NCOA1: variants seen among roughly 807,000 people sequenced by gnomAD.
NCOA1 encodes the protein Hin-2 protein.
NCOA1 carries 35 observed loss-of-function variants against 150.9 expected under a neutral mutation model. That is an observed-to-expected ratio of 0.23 (90% CI 0.18 to 0.31). The LOEUF is 0.31. Among genes scored for constraint, NCOA1 ranks in the 10% least tolerant of loss-of-function variants. The pLI is 1.00. For missense variants in NCOA1, 1,491 were observed against 1,749.3 expected (o/e 0.85, Z 2.63); for synonymous variants, 590 against 630.0 (o/e 0.94, Z 0.95).
intron 3 of NCOA1, among the ~76,000 whole-genome samples, chr2:24,618,986 T>C (rs1669000515): frequency 1.3e-5 from 2 of 152,314 alleles, no homozygotes; most frequent in South Asian, 4.1e-4. Context: ...TCACTTATGA[T>C]TAAAAATTTG....
chr2:24,762,848 A>AT, intron 22 of NCOA1, 72 bp downstream of exon 22: 1 of 1,358,672 alleles, frequency 7.4e-7, no homozygotes, highest in African/African-American at 1.4e-5. Context: ...GTGTAGCATC[A>AT]TTAAGAGCCT....
At chr2:24,586,270 G>A (rs1210477274) in intron 3 of NCOA1, among the ~76,000 whole-genome samples, 2 of 102,598 alleles carry the variant, frequency 1.9e-5, no homozygotes, top group African/African-American at 6.9e-5. Flanking sequence ...AGCAAGACTC[G>A]GTCTCAAAAA....
At chr2:24,632,028 A>G (rs555949332) in intron 3 of NCOA1, among the ~76,000 whole-genome samples, 39 of 151,644 alleles carry the variant, frequency 2.6e-4, no homozygotes, top group African/African-American at 8.7e-4. Flanking sequence ...AATATATAGT[A>G]TTTGGTTCCA....
intron 3 of NCOA1, among the ~76,000 whole-genome samples, chr2:24,602,548 G>A (rs965312575): frequency 1.3e-5 from 2 of 152,026 alleles, no homozygotes; most frequent in South Asian, 2.1e-4. Flanking sequence ...CCAAATTTAC[G>A]TAGTAACTAG....
Position 24,739,603 on chromosome 2 carries a change from G to A in NCOA1, c.3303+70G>A, listed in dbSNP as rs916019154. On this transcript the variant is annotated intron_variant, in intron 18 of 22. Coordinates refer to ENST00000348332, the MANE Select transcript of NCOA1 (RefSeq NM_003743.5). ...ATAGTGTTTCTTAAAGTGTTGACTT[G>A]AGTGTCTTTGAAATGGTCTGTGAGC... 5.2e-6 allele frequency: 6 copies of A among 1,159,748 alleles called. No homozygotes were observed. In the Admixed American group the frequency reaches 8.7e-5, roughly 17 times the overall value. The allele number at this position is 1,159,748 out of a possible 1,614,324, so 71.8% of individuals were successfully genotyped here. A position where few individuals can be genotyped will look rare whatever the true frequency, so the allele number is the denominator to read the frequency against.
chr2:24,680,930 G>A (rs1672133208), intron 7 of NCOA1, among the ~76,000 whole-genome samples: 1 of 152,134 alleles, frequency 6.6e-6, no homozygotes, highest in Non-Finnish European at 1.5e-5. Flanking sequence ...ATCATTGGAT[G>A]TGTTTACTAA....
At chr2:24,560,241 T>C (rs1280831190) in intron 1 of NCOA1, among the ~76,000 whole-genome samples, 1 of 152,198 alleles carries the variant, frequency 6.6e-6, no homozygotes, top group African/African-American at 2.4e-5. Flanking sequence ...TTTTTTCTTA[T>C]ACTGTTGTAT....
intron 1 of NCOA1, among the ~76,000 whole-genome samples, chr2:24,558,054 T>G (rs1666144412): frequency 6.6e-6 from 1 of 151,272 alleles, no homozygotes; most frequent in South Asian, 2.1e-4. Flanking sequence ...CTCTTCCATA[T>G]TTTTTGTCTC....
intron 8 of NCOA1, among the ~76,000 whole-genome samples, chr2:24,684,627 G>A (rs1028090776): frequency 2.0e-5 from 3 of 152,158 alleles, no homozygotes; most frequent in African/African-American, 7.2e-5. Flanking sequence ...ACAATAGGGA[G>A]GAATGTGAAG....
At chr2:24,703,536 G>C (rs1194042490) in intron 11 of NCOA1, among the ~76,000 whole-genome samples, 1 of 152,174 alleles carries the variant, frequency 6.6e-6, no homozygotes, top group Non-Finnish European at 1.5e-5. Context: ...ATTTTTCCTA[G>C]TTTAGATACA....
At chr2:24,766,269 T>G (rs1420350743) in intron 22 of NCOA1, among the ~76,000 whole-genome samples, 1 of 152,234 alleles carries the variant, frequency 6.6e-6, no homozygotes, top group East Asian at 1.9e-4. Flanking sequence ...CATGCCTTTA[T>G]CAAGAACTTT....
At chr2:24,516,944 G>A (rs1399147107) in intron 1 of NCOA1, among the ~76,000 whole-genome samples, 3 of 115,642 alleles carry the variant, frequency 2.6e-5, no homozygotes, top group South Asian at 3.0e-4. Flanking sequence ...ATATATATAC[G>A]TATATATACA....
At chr2:24,611,899 A>G (rs1336481504) in intron 3 of NCOA1, among the ~76,000 whole-genome samples, 3 of 151,976 alleles carry the variant, frequency 2.0e-5, no homozygotes, top group Non-Finnish European at 1.5e-5. Context: ...TAAGTGGGGC[A>G]TTTAAACCGT....
intron 19 of NCOA1, among the ~76,000 whole-genome samples, chr2:24,745,744 A>G (rs578138849): frequency 2.6e-5 from 4 of 152,226 alleles, no homozygotes; most frequent in South Asian, 2.1e-4. Flanking sequence ...TTTTCCACCA[A>G]CACCCCAAAC....
chr2:24,716,093 G>A (rs1355903347), intron 14 of NCOA1, among the ~76,000 whole-genome samples: 5 of 148,066 alleles, frequency 3.4e-5, no homozygotes, highest in East Asian at 2.0e-4. Context: ...GCAGTGAGCC[G>A]AGATTGCGCC....
chr2:24,576,175 T>G (rs1243738030), intron 2 of NCOA1, among the ~76,000 whole-genome samples: 13 of 70,374 alleles, frequency 1.8e-4, no homozygotes, highest in Non-Finnish European at 2.6e-4. Context: ...TTTTTGTTTT[T>G]TTTTTTTTTT....
At chr2:24,534,121 G>A (rs529893493) in intron 1 of NCOA1, among the ~76,000 whole-genome samples, 1 of 152,096 alleles carries the variant, frequency 6.6e-6, no homozygotes, top group Non-Finnish European at 1.5e-5. Flanking sequence ...CAATTTCAGA[G>A]CCTGTTATTG....
chr2:24,536,416 A>C lies in NCOA1; in HGVS notation c.-395-27879A>C, dbSNP rs144811951. Among the ~76,000 whole-genome samples, 5 of 151,998 alleles carry C rather than the reference A, an allele frequency of 3.3e-5. No homozygotes were observed. In the East Asian group the frequency reaches 9.7e-4, roughly 29 times the overall value. On this transcript the variant is annotated intron_variant, in intron 1 of 22. Transcript: ENST00000348332. The stretch of plus-strand genomic sequence containing the variant: ...TAGAACATGCTCCTTTAGCTCGGAG[A>C]AGTTTGTTATTACTGACTTTCTGAA...
intron 3 of NCOA1, among the ~76,000 whole-genome samples, chr2:24,633,137 C>T (rs947787096): frequency 6.6e-6 from 1 of 151,770 alleles, no homozygotes; most frequent in African/African-American, 2.4e-5. Context: ...TATATAGATA[C>T]ATATGCATAC....
Sources: allele counts gnomAD v4.1 joint callset (sites outside exome capture counted in the v4.1 genomes callset), GRCh38; gene constraint gnomAD v4.1.1; transcripts MANE v1.5; gene names NCBI Gene and HGNC (gene_info 2026-07-23, HGNC 2026-07-21).